Variants in PRKG1 observed in about 807,000 individuals in gnomAD.
The protein encoded by PRKG1 is cGMP-dependent protein kinase 1.
A neutral mutation model predicts 88.1 loss-of-function variants in PRKG1; 35 were observed. The observed-to-expected ratio is 0.40, with a 90% CI of 0.30 to 0.53. PRKG1 has a LOEUF of 0.53. Ranked by LOEUF, PRKG1 falls within the 20% of genes least tolerant of loss-of-function variation. The probability of loss-of-function intolerance (pLI) is 0.59; values close to 1 mark genes in which losing one functional copy is unlikely to be tolerated. For missense variants in PRKG1, 540 were observed against 839.8 expected (o/e 0.64, Z 4.41); for synonymous variants, 303 against 292.5 (o/e 1.04, Z -0.37).
chr10:51,916,925 T>G (rs1006547437), intron 5 of PRKG1, among the ~76,000 whole-genome samples: 9 of 152,314 alleles, frequency 5.9e-5, no homozygotes, highest in Admixed American at 3.3e-4. Context: ...AAATGACACA[T>G]ATTGTGTGAT....
In PRKG1 at chr10:52,296,221, C is replaced by A. The variant is rs533056896; in HGVS notation, c.*2321C>A. 1 of 152,018 alleles carries A rather than the reference C, an allele frequency of 6.6e-6. No homozygotes were observed. Among genetic ancestry groups the A allele is most frequent in the Non-Finnish European group, 1.5e-5 (1 of 67,948 alleles). 9.4% of individuals were successfully genotyped at this position (152,018 alleles called of 1,614,324 possible). ...AAATCCCCAAAGTCCCAGAGATTAGCACTTGCTATGGATTTTGGAACTATG... is the reference window on the plus strand; with the variant it reads ...AAATCCCCAAAGTCCCAGAGATTAGAACTTGCTATGGATTTTGGAACTATG... On this transcript the variant is annotated 3_prime_UTR_variant, in exon 18 of 18. Coordinates refer to ENST00000373980, the MANE Select transcript of PRKG1 (RefSeq NM_006258.4).
intron 4 of PRKG1, among the ~76,000 whole-genome samples, chr10:51,814,030 A>G (rs961514293): frequency 2.0e-5 from 3 of 152,220 alleles, no homozygotes; most frequent in Non-Finnish European, 4.4e-5. Flanking sequence ...TAAAACAAAT[A>G]TTAAATGACT....
chr10:51,638,016 A>G (rs1334118085), intron 3 of PRKG1, among the ~76,000 whole-genome samples: 1 of 152,208 alleles, frequency 6.6e-6, no homozygotes, highest in East Asian at 1.9e-4. Context: ...GTGAGAAAGG[A>G]AACAAGACGA....
At chr10:51,118,531 C>T (rs1845186762) in intron 1 of PRKG1, among the ~76,000 whole-genome samples, 1 of 152,040 alleles carries the variant, frequency 6.6e-6, no homozygotes, top group South Asian at 2.1e-4. Flanking sequence ...TCGTATAGTA[C>T]TTTTATCTGT....
At chr10:51,364,909 T>C (rs954813935) in intron 2 of PRKG1, among the ~76,000 whole-genome samples, 11 of 151,898 alleles carry the variant, frequency 7.2e-5, no homozygotes, top group African/African-American at 2.4e-4. Flanking sequence ...GATTCAAATA[T>C]AACCACGTAA....
At chr10:51,973,806 C>T (rs145229562) in intron 5 of PRKG1, among the ~76,000 whole-genome samples, 157 of 152,072 alleles carry the variant, frequency 1.0e-3, no homozygotes, top group Admixed American at 3.0e-3. Flanking sequence ...TTCAGAGTAG[C>T]GACAATTGGT....
chr10:51,351,969 C>G (rs942643689), intron 2 of PRKG1, among the ~76,000 whole-genome samples: 1 of 152,154 alleles, frequency 6.6e-6, no homozygotes, highest in Non-Finnish European at 1.5e-5. Flanking sequence ...TATGGCTAGC[C>G]GTTTCTCCCA....
At chr10:52,227,198 C>T (rs1156613507) in intron 9 of PRKG1, among the ~76,000 whole-genome samples, 1 of 152,062 alleles carries the variant, frequency 6.6e-6, no homozygotes, top group African/African-American at 2.4e-5. Flanking sequence ...TTAGTTCTAT[C>T]TCTGGAAAAA....
intron 7 of PRKG1, among the ~76,000 whole-genome samples, chr10:52,069,662 T>C (rs1765124286): frequency 6.6e-6 from 1 of 152,208 alleles, no homozygotes; most frequent in Non-Finnish European, 1.5e-5. Context: ...TTATGAAAAC[T>C]ATTCAAGCTG....
chr10:51,342,334 G>C (rs778387568), intron 2 of PRKG1, among the ~76,000 whole-genome samples: 2 of 152,134 alleles, frequency 1.3e-5, no homozygotes, highest in Non-Finnish European at 2.9e-5. Context: ...GTCATACAGA[G>C]AGAGATTTTA....
intron 2 of PRKG1, among the ~76,000 whole-genome samples, chr10:51,242,299 G>T (rs527372898): frequency 8.0e-4 from 122 of 152,246 alleles, no homozygotes; most frequent in African/African-American, 2.9e-3. Context: ...GATAGAAGGT[G>T]ATTGGATGAG....
At chr10:51,171,471 G>A (rs1319606362) in intron 2 of PRKG1, among the ~76,000 whole-genome samples, 1 of 152,054 alleles carries the variant, frequency 6.6e-6, no homozygotes, top group Non-Finnish European at 1.5e-5. Flanking sequence ...ATTTGATCTG[G>A]TGTCACTCAG....
chr10:51,078,655 C>T (rs532964925), intron 1 of PRKG1, among the ~76,000 whole-genome samples: 32 of 151,464 alleles, frequency 2.1e-4, no homozygotes, highest in African/African-American at 6.5e-4. Flanking sequence ...CTCGCTCTAT[C>T]GCCCAGGCTG....
intron 2 of PRKG1, among the ~76,000 whole-genome samples, chr10:51,195,357 A>G (rs1187964316): frequency 6.6e-6 from 1 of 152,160 alleles, no homozygotes; most frequent in Non-Finnish European, 1.5e-5. Context: ...TTCAGTTCAA[A>G]CGTCAGTTTT....
rs550806459 is a variant in PRKG1, at chr10:51,086,583, T to C, written c.311+11682T>C. Among the ~76,000 whole-genome samples, 5 of 152,328 alleles carry C rather than the reference T, an allele frequency of 3.3e-5. 1 individual carries two copies. The South Asian group carries it at 1.0e-3, about 32-fold the overall frequency. ...ATTAAAATTCATATTCTATTCATTA[T>C]ATAACCACGATAGTTTAAGCAACTC... On this transcript the variant is annotated intron_variant, in intron 1 of 17. Transcript: ENST00000373980.
intron 5 of PRKG1, chr10:51,908,215 C>T (rs6480566): frequency 0.75 from 114,242 of 152,160 alleles, 43,396 homozygotes; most frequent in African/African-American, 0.87. Flanking sequence ...TGTTTCAGGT[C>T]GAAAAGATTA....
At chr10:51,792,253 C>G (rs956167300) in intron 3 of PRKG1, among the ~76,000 whole-genome samples, 2 of 152,080 alleles carry the variant, frequency 1.3e-5, no homozygotes, top group Non-Finnish European at 2.9e-5. Context: ...CTTGACTCCT[C>G]CTTTCACTCT....
chr10:51,900,379 A>G (rs1841953950), intron 4 of PRKG1, among the ~76,000 whole-genome samples: 1 of 152,212 alleles, frequency 6.6e-6, no homozygotes, highest in African/African-American at 2.4e-5. Flanking sequence ...CTCTGAAACT[A>G]TAGCAATAAA....
At chr10:51,611,495 C>T (rs529711444) in intron 3 of PRKG1, among the ~76,000 whole-genome samples, 3 of 140,102 alleles carry the variant, frequency 2.1e-5, no homozygotes, top group South Asian at 2.3e-4. Context: ...AAAAAAAAAA[C>T]GTTAAATTGT....
Sources: allele counts gnomAD v4.1 joint callset (sites outside exome capture counted in the v4.1 genomes callset), GRCh38; gene constraint gnomAD v4.1.1; transcripts MANE v1.5; gene names NCBI Gene and HGNC (gene_info 2026-07-23, HGNC 2026-07-21).